Variants in KLHL29 observed in about 807,000 individuals in gnomAD.
The protein encoded by KLHL29 is kelch like family member 29.
Under a neutral mutation model 80.4 loss-of-function variants are expected in KLHL29, and 21 were observed. That is an observed-to-expected ratio of 0.26 (90% CI 0.19 to 0.38). The LOEUF is 0.38. Among genes scored for constraint, KLHL29 ranks in the 10% least tolerant of loss-of-function variants. KLHL29 has a pLI of 1.00. For missense variants in KLHL29, 867 were observed against 1,223.9 expected (o/e 0.71, Z 4.35); for synonymous variants, 511 against 526.8 (o/e 0.97, Z 0.41).
intron 6 of KLHL29, among the ~76,000 whole-genome samples, chr2:23,686,082 C>T (rs112621604): frequency 1.3e-5 from 2 of 152,086 alleles, no homozygotes; most frequent in African/African-American, 2.4e-5. Context: ...GTAGTGAAGG[C>T]TTCTTGGGCT....
intron 5 of KLHL29, among the ~76,000 whole-genome samples, chr2:23,663,301 G>A (rs1240487124): frequency 6.6e-6 from 1 of 152,210 alleles, no homozygotes; most frequent in East Asian, 1.9e-4. Context: ...TCCAGGTAGG[G>A]GTCCCCTCCT....
intron 1 of KLHL29, among the ~76,000 whole-genome samples, chr2:23,441,202 C>T (rs1409451613): frequency 6.6e-6 from 1 of 151,736 alleles, no homozygotes; most frequent in Non-Finnish European, 1.5e-5. Flanking sequence ...AATTGGAAAT[C>T]ATCATTCTCA....
At chr2:23,555,287 C>G (rs1422846507) in intron 2 of KLHL29, among the ~76,000 whole-genome samples, 1 of 152,218 alleles carries the variant, frequency 6.6e-6, no homozygotes, top group Non-Finnish European at 1.5e-5. Context: ...CCCAGTAAAC[C>G]TGCCCAGTTC....
At chr2:23,662,528 ACCAGCCCCTCCTGGGGTT>A (rs1467926227) in intron 5 of KLHL29, among the ~76,000 whole-genome samples, 12 of 152,114 alleles carry the variant, frequency 7.9e-5, no homozygotes, top group South Asian at 2.1e-4. Flanking sequence ...GGTTGAGTTC[ACCAGCCCCTCCTGGGGTT>A]CCAGCCCCTC....
chr2:23,601,288 C>G (rs1668566442), intron 3 of KLHL29, among the ~76,000 whole-genome samples: 1 of 152,172 alleles, frequency 6.6e-6, no homozygotes, highest in African/African-American at 2.4e-5. Context: ...CGAGAAAATT[C>G]ATTTTAAGTG....
intron 1 of KLHL29, among the ~76,000 whole-genome samples, chr2:23,412,677 A>G (rs1666893857): frequency 6.6e-6 from 1 of 152,208 alleles, no homozygotes. Flanking sequence ...AGGTCTTTCA[A>G]GCACCTGGGC....
chr2:23,642,000 GAAC>G (rs1383897784), intron 4 of KLHL29, among the ~76,000 whole-genome samples: 1 of 152,088 alleles, frequency 6.6e-6, no homozygotes, highest in Non-Finnish European at 1.5e-5. Context: ...AAATAAAAAA[GAAC>G]TTGCTCCTGA....
intron 3 of KLHL29, among the ~76,000 whole-genome samples, chr2:23,582,499 G>A (rs1203628192): frequency 6.6e-6 from 1 of 152,160 alleles, no homozygotes; most frequent in African/African-American, 2.4e-5. Context: ...AGGGGTCCCG[G>A]GGGCTTGGCA....
chr2:23,474,329 T>G (rs1380391916), intron 1 of KLHL29, among the ~76,000 whole-genome samples: 1 of 152,194 alleles, frequency 6.6e-6, no homozygotes, highest in African/African-American at 2.4e-5. Flanking sequence ...CTCCTAGACC[T>G]CTCTGTTCAC....
At chr2:23,640,768 G>A (rs1166325451) in intron 4 of KLHL29, among the ~76,000 whole-genome samples, 3 of 152,236 alleles carry the variant, frequency 2.0e-5, no homozygotes, top group African/African-American at 7.2e-5. Flanking sequence ...GAGGAAACTG[G>A]CTCGGGAAAG....
At chr2:23,545,417 A>T (rs1666956534) in intron 2 of KLHL29, among the ~76,000 whole-genome samples, 6 of 152,194 alleles carry the variant, frequency 3.9e-5, no homozygotes, top group Admixed American at 3.9e-4. Context: ...AGTAGCAGGC[A>T]TGCTGTCGGT....
chr2:23,668,992 A>C (rs1394786486), intron 5 of KLHL29: 1 of 152,418 alleles, frequency 6.6e-6, no homozygotes, highest in Non-Finnish European at 1.5e-5. Context: ...CTGAGCAGGA[A>C]GGCTGTGGCC....
rs1344583429 is a variant in KLHL29 at position 23,680,948 on chromosome 2, T to A, written c.941-3451T>A. On this transcript the variant is annotated intron_variant, in intron 5 of 13. Transcript: ENST00000486442. The surrounding 1 kb of genome is among the most constrained non-coding windows in gnomAD (Gnocchi z 4.1). ...TCCCACACCTGAGAATAGGCCATGT[T>A]GTTGGAAGATCTCCCCAGACCCCGC... Among the ~76,000 whole-genome samples the A allele has an allele frequency of 2.0e-5, 3 of 152,154 alleles. No homozygotes were observed. The highest frequency in any genetic ancestry group is 7.2e-5 in the African/African-American group (3 of 41,432).
intron 7 of KLHL29, 97 bp downstream of exon 7, chr2:23,691,973 G>A (rs1243770877): frequency 4.9e-6 from 6 of 1,236,266 alleles, no homozygotes; most frequent in Non-Finnish European, 6.8e-6. Context: ...GTCTGTGTGT[G>A]CACACCTGAA....
At chr2:23,704,231 G>A (rs1672573840) in intron 13 of KLHL29, among the ~76,000 whole-genome samples, 1 of 152,234 alleles carries the variant, frequency 6.6e-6, no homozygotes, top group South Asian at 2.1e-4. Context: ...GCCCTACAGG[G>A]ACAAGTGACT....
intron 1 of KLHL29, among the ~76,000 whole-genome samples, chr2:23,466,713 C>G (rs1333607177): frequency 6.6e-6 from 1 of 152,086 alleles, no homozygotes; most frequent in Non-Finnish European, 1.5e-5. Flanking sequence ...GTTTTTTTAT[C>G]TTTTAAATGT....
At chr2:23,624,819 C>CT (rs1198746763) in intron 3 of KLHL29, among the ~76,000 whole-genome samples, 2 of 152,206 alleles carry the variant, frequency 1.3e-5, no homozygotes, top group Admixed American at 1.3e-4. Flanking sequence ...CTGCCATTTG[C>CT]TGAGCCCCTG....
At chr2:23,612,588 A>G (rs1668896021) in intron 3 of KLHL29, among the ~76,000 whole-genome samples, 1 of 152,136 alleles carries the variant, frequency 6.6e-6, no homozygotes, top group Admixed American at 6.5e-5. Flanking sequence ...CTAAAAATAC[A>G]AAAATTAGGT....
At chr2:23,572,512 G>A (rs1056536114) in intron 3 of KLHL29, among the ~76,000 whole-genome samples, 11 of 152,140 alleles carry the variant, frequency 7.2e-5, no homozygotes, top group East Asian at 5.8e-4. Flanking sequence ...TCAGCTGCCC[G>A]TGATGCCCAG....
Sources: gnomAD v4.1 joint callset for allele counts (sites outside exome capture counted in the v4.1 genomes callset) on GRCh38, gnomAD v4.1.1 for gene constraint, Gnocchi (gnomAD v3.1) non-coding constraint, MANE v1.5 for transcripts, NCBI Gene and HGNC (gene_info 2026-07-23, HGNC 2026-07-21) for gene names.